The following SLCO1B1 variants were observed in gnomAD, a reference collection of about 807,000 sequenced individuals.
SLCO1B1 encodes solute carrier organic anion transporter family member 1B1, also known as OATP-2.
A neutral mutation model predicts 70.1 loss-of-function variants in SLCO1B1; 81 were observed. That is an observed-to-expected ratio of 1.16 (90% CI 0.97 to 1.39). The LOEUF (loss-of-function observed/expected upper bound fraction) is 1.39. Among genes scored for constraint, SLCO1B1 ranks in the 40% most tolerant of loss-of-function variants. The pLI is 0.00. For synonymous variants in SLCO1B1, 283 were observed against 271.5 expected (o/e 1.04, Z -0.42); for missense variants, 895 against 799.6 (o/e 1.12, Z -1.44).
intron 11 of SLCO1B1, among the ~76,000 whole-genome samples, chr12:21,214,550 C>T (rs1386254198): frequency 6.6e-6 from 1 of 151,050 alleles, no homozygotes; most frequent in African/African-American, 2.4e-5. Context: ...GTGGAGCCTA[C>T]AGAGGCAGGC....
At position 21,239,303 on chromosome 12, in the gene SLCO1B1, T is replaced by C. The variant is rs911974972; in HGVS notation, c.*114T>C. On this transcript the variant is annotated 3_prime_UTR_variant, in exon 15 of 15. Coordinates refer to ENST00000256958, the MANE Select transcript of SLCO1B1 (RefSeq NM_006446.5). ...CTTTCACTAAGAATTTCCACATCTTTTATGGTGGAAGTATAAATAAGCCTA... is the reference window on the plus strand; with the variant it reads ...CTTTCACTAAGAATTTCCACATCTTCTATGGTGGAAGTATAAATAAGCCTA... The C allele has an allele frequency of 6.2e-6, 5 of 801,130 alleles. No individual in the cohort carries two copies. The highest frequency in any genetic ancestry group is 1.1e-5 in the Non-Finnish European group (5 of 452,562). The allele number at this position is 801,130 out of a possible 1,614,324, so 49.6% of individuals were successfully genotyped here.
At chr12:21,232,757 C>CAGAGAA (rs773471579) in intron 14 of SLCO1B1, among the ~76,000 whole-genome samples, 4 of 149,412 alleles carry the variant, frequency 2.7e-5, no homozygotes, top group South Asian at 2.1e-4. Flanking sequence ...GAGACAGAGA[C>CAGAGAA]AGAGAGACAG....
chr12:21,220,449 A>G (rs1286729745), intron 12 of SLCO1B1, among the ~76,000 whole-genome samples: 1 of 152,124 alleles, frequency 6.6e-6, no homozygotes, highest in African/African-American at 2.4e-5. Flanking sequence ...GCATGATTAT[A>G]GCTCACTGTA....
At chr12:21,146,083 C>T (rs1318560858) in intron 2 of SLCO1B1, among the ~76,000 whole-genome samples, 1 of 151,950 alleles carries the variant, frequency 6.6e-6, no homozygotes, top group Non-Finnish European at 1.5e-5. Flanking sequence ...AGGCCTGTTT[C>T]TTTCTGTTTT....
intron 2 of SLCO1B1, among the ~76,000 whole-genome samples, chr12:21,151,092 T>C (rs191497845): frequency 9.5e-4 from 144 of 152,308 alleles, no homozygotes; most frequent in Non-Finnish European, 1.2e-3. Context: ...GCTTATGGTA[T>C]AGGCTATTAC....
chr12:21,197,115 G>A lies in SLCO1B1; in HGVS notation c.897G>A (p.Leu299=). 6.2e-7 allele frequency: 1 copy of A among 1,613,240 alleles called. No homozygotes were observed. Among genetic ancestry groups the A allele is most frequent in the Non-Finnish European group, 8.5e-7 (1 of 1,179,636 alleles). Residue 299 remains leucine (L), a synonymous_variant, in exon 8 of 15, where the codon CTG becomes CTA. Coordinates refer to ENST00000256958, the MANE Select transcript of SLCO1B1 (RefSeq NM_006446.5). ...AAGCTTCACTGTCTTTGCATGTGCT[G>A]GAAACAAATGATGAAAAGGATCAAA... ...ERKASLSLHV[L]ETNDEKDQTA...
chr12:21,202,818 A>G (rs573643639), intron 10 of SLCO1B1, 132 bp downstream of exon 10: 12 of 713,626 alleles, frequency 1.7e-5, no homozygotes, highest in African/African-American at 1.4e-4. Flanking sequence ...CAATTTTAAA[A>G]TTTTTAAAAT....
At chr12:21,209,949 C>G (rs1157779524) in intron 11 of SLCO1B1, among the ~76,000 whole-genome samples, 5 of 151,854 alleles carry the variant, frequency 3.3e-5, no homozygotes, top group Non-Finnish European at 5.9e-5. Flanking sequence ...ATTGTAGATT[C>G]TGGATATTAG....
In SLCO1B1 at chr12:21,172,691, A is replaced by G. The variant is rs542572546; in HGVS notation, c.126A>G (p.Thr42=). The G allele has an allele frequency of 6.2e-7, 1 of 1,613,844 alleles. No homozygotes were observed. Among genetic ancestry groups the G allele is most frequent in the South Asian group, 1.1e-5 (1 of 91,076 alleles). ...AALSLSFIAK[T]LGAIIMKSSI... Reference sequence around the variant, plus strand: ...TGTCACTCAGCTTTATTGCTAAGACACTAGGTGCAATTATTATGAAAAGTT... The same window carrying G: ...TGTCACTCAGCTTTATTGCTAAGACGCTAGGTGCAATTATTATGAAAAGTT... The change falls in exon 3 of 15, where the codon ACA becomes ACG. Residue 42 remains threonine (T), a synonymous_variant. Transcript: ENST00000256958.
At chr12:21,220,084 G>A (rs1166996745) in intron 12 of SLCO1B1, among the ~76,000 whole-genome samples, 1 of 152,154 alleles carries the variant, frequency 6.6e-6, no homozygotes, top group Non-Finnish European at 1.5e-5. Flanking sequence ...TTAATGCAAA[G>A]CCAGTAGGGT....
At chr12:21,223,165 AT>A (rs1026254895) in intron 13 of SLCO1B1, among the ~76,000 whole-genome samples, 31 of 151,976 alleles carry the variant, frequency 2.0e-4, no homozygotes, top group Admixed American at 3.3e-4. Flanking sequence ...ATGGAGTAAA[AT>A]TTTTTTTAGC....
In SLCO1B1 at chr12:21,200,520, CT is replaced by C. The variant is rs775188590; in HGVS notation, c.987del (p.Phe329LeufsTer16). The C allele has an allele frequency of 2.5e-6, 4 of 1,569,116 alleles. No individual in the cohort carries two copies. The highest frequency in any genetic ancestry group is 4.5e-5 in the East Asian group (2 of 43,986). Reference protein sequence around the residue: ...ITKNVTGFFQSFKSILTNPLY... With the variant: ...ITKNVTGFFQXFKSILTNPLY... Reference sequence around the variant, plus strand: ...TACAATTTTACAGGTTTTTTCCAGTCTTTTAAAAGCATCCTTACTAATCCCC... The same window carrying C: ...TACAATTTTACAGGTTTTTTCCAGTCTTTAAAAGCATCCTTACTAATCCCC... On this transcript the variant is annotated frameshift_variant, in exon 9 of 15. Transcript: ENST00000256958. LOFTEE classifies it high-confidence loss of function.
At chr12:21,139,738 C>T (rs1479524289) in intron 1 of SLCO1B1, among the ~76,000 whole-genome samples, 1 of 152,142 alleles carries the variant, frequency 6.6e-6, no homozygotes, top group African/African-American at 2.4e-5. Context: ...ATTTGAGCTG[C>T]CATGTTCCCA....
intron 7 of SLCO1B1, 84 bp from the exon 8 acceptor site, chr12:21,196,862 T>A: frequency 7.3e-7 from 1 of 1,373,480 alleles, no homozygotes; most frequent in African/African-American, 1.5e-5. Flanking sequence ...GGAAATGTAG[T>A]TTACTTTCTT....
At chr12:21,179,911 C>A (rs990636560) in intron 7 of SLCO1B1, among the ~76,000 whole-genome samples, 1 of 152,022 alleles carries the variant, frequency 6.6e-6, no homozygotes, top group Non-Finnish European at 1.5e-5. Context: ...TCTTTAGAAC[C>A]AAGCACCTAG....
At chr12:21,218,077 AAAAT>A (rs1941381229) in intron 12 of SLCO1B1, among the ~76,000 whole-genome samples, 1 of 152,226 alleles carries the variant, frequency 6.6e-6, no homozygotes, top group Non-Finnish European at 1.5e-5. Context: ...AGTACATCTC[AAAAT>A]AAGTAACATT....
At chr12:21,150,502 G>A (rs1940456539) in intron 2 of SLCO1B1, among the ~76,000 whole-genome samples, 1 of 152,114 alleles carries the variant, frequency 6.6e-6, no homozygotes, top group Non-Finnish European at 1.5e-5. Flanking sequence ...GAAGGAACAG[G>A]CCGCAATCTC....
intron 11 of SLCO1B1, 75 bp downstream of exon 11, chr12:21,206,108 T>C: frequency 2.4e-6 from 3 of 1,226,218 alleles, no homozygotes; most frequent in African/African-American, 1.5e-5. Flanking sequence ...ACCAAATATT[T>C]CTGTAACTAA....
At chr12:21,160,567 G>T (rs1940605679) in intron 2 of SLCO1B1, among the ~76,000 whole-genome samples, 1 of 151,742 alleles carries the variant, frequency 6.6e-6, no homozygotes, top group Admixed American at 6.6e-5. Context: ...AACCCTGGAA[G>T]ACAACCTAGG....
Sources: allele counts gnomAD v4.1 joint callset (sites outside exome capture counted in the v4.1 genomes callset), GRCh38; gene constraint gnomAD v4.1.1; transcripts MANE v1.5; gene names NCBI Gene and HGNC (gene_info 2026-07-23, HGNC 2026-07-21).